DLG2: variants seen among roughly 807,000 people sequenced by gnomAD.
The protein encoded by DLG2 is discs large MAGUK scaffold protein 2.
In DLG2, 45 loss-of-function variants were observed where a neutral mutation model predicts 132.5. That is an observed-to-expected ratio of 0.34 (90% confidence interval 0.27 to 0.44). The LOEUF (loss-of-function observed/expected upper bound fraction) is 0.44. Ranked by LOEUF, DLG2 falls within the 20% of genes least tolerant of loss-of-function variation. The pLI, the probability that DLG2 is intolerant of heterozygous loss-of-function variation, is 1.00. For missense variants in DLG2, 1,045 were observed against 1,196.9 expected (o/e 0.87, Z 1.87); for synonymous variants, 424 against 419.6 (o/e 1.01, Z -0.13).
intron 6 of DLG2, among the ~76,000 whole-genome samples, chr11:84,647,194 T>C (rs1313012629): frequency 6.6e-6 from 1 of 152,118 alleles, no homozygotes; most frequent in Non-Finnish European, 1.5e-5. Context: ...GGAGGTACAT[T>C]TTAACTGCAC....
intron 8 of DLG2, among the ~76,000 whole-genome samples, chr11:84,172,427 C>T (rs2095845831): frequency 6.6e-6 from 1 of 152,092 alleles, no homozygotes; most frequent in Admixed American, 6.5e-5. Flanking sequence ...AATTTCTAAT[C>T]TTAATTACAA....
intron 10 of DLG2, among the ~76,000 whole-genome samples, chr11:84,087,123 T>TAG (rs981843629): frequency 2.6e-4 from 39 of 152,328 alleles, no homozygotes; most frequent in Middle Eastern, 6.8e-3. Context: ...AACCTTAGTG[T>TAG]ACAAGTTTTT....
intron 6 of DLG2, among the ~76,000 whole-genome samples, chr11:84,873,910 G>A (rs1250878557): frequency 6.6e-6 from 1 of 152,178 alleles, no homozygotes; most frequent in Non-Finnish European, 1.5e-5. Flanking sequence ...CACAAGATAT[G>A]GAGCGGAATC....
chr11:85,493,537 G>A (rs1406883067), intron 3 of DLG2, among the ~76,000 whole-genome samples: 1 of 152,126 alleles, frequency 6.6e-6, no homozygotes, highest in Non-Finnish European at 1.5e-5. Context: ...TCACTGGCAT[G>A]TGTCTGTAAT....
intron 5 of DLG2, among the ~76,000 whole-genome samples, chr11:85,130,294 G>T (rs1339131823): frequency 2.0e-5 from 3 of 152,082 alleles, no homozygotes; most frequent in African/African-American, 7.2e-5. Context: ...GCATCCCTCT[G>T]CTCATTAATC....
At chr11:83,771,801 G>C (rs2094403503) in intron 18 of DLG2, among the ~76,000 whole-genome samples, 1 of 152,104 alleles carries the variant, frequency 6.6e-6, no homozygotes, top group Admixed American at 6.6e-5. Flanking sequence ...CAGTTCTTCT[G>C]AGTGACCTTC....
chr11:84,251,692 G>C (rs1476887483), intron 7 of DLG2, among the ~76,000 whole-genome samples: 1 of 145,688 alleles, frequency 6.9e-6, no homozygotes, highest in African/African-American at 2.6e-5. Context: ...ACCCAGGCTG[G>C]AGTGCAGTGG....
At chr11:85,352,818 C>T (rs764413963) in intron 3 of DLG2, among the ~76,000 whole-genome samples, 3 of 152,152 alleles carry the variant, frequency 2.0e-5, no homozygotes, top group Non-Finnish European at 2.9e-5. Context: ...CTTCCTTACA[C>T]CTTGTACAAA....
intron 18 of DLG2, among the ~76,000 whole-genome samples, chr11:83,711,210 A>T (rs748306341): frequency 1.3e-5 from 2 of 152,248 alleles, no homozygotes; most frequent in African/African-American, 2.4e-5. Flanking sequence ...ACAACTCAGC[A>T]AAGGCCAAAA....
intron 18 of DLG2, among the ~76,000 whole-genome samples, chr11:83,664,909 A>G (rs1456142761): frequency 6.6e-6 from 1 of 152,194 alleles, no homozygotes; most frequent in Non-Finnish European, 1.5e-5. Flanking sequence ...CATTCTACTT[A>G]TGTATCTTAA....
intron 6 of DLG2, among the ~76,000 whole-genome samples, chr11:84,949,468 G>T (rs2050649471): frequency 6.7e-6 from 1 of 149,184 alleles, no homozygotes; most frequent in African/African-American, 2.5e-5. Flanking sequence ...CGCTATGGGA[G>T]ACTGGAGTTT....
At chr11:83,698,942 T>C (rs2082386126) in intron 18 of DLG2, among the ~76,000 whole-genome samples, 1 of 152,166 alleles carries the variant, frequency 6.6e-6, no homozygotes, top group Admixed American at 6.5e-5. Flanking sequence ...TTTTGCTGCA[T>C]TCAAGAGAGA....
chr11:84,635,066 A>G (rs1289573272), intron 6 of DLG2, among the ~76,000 whole-genome samples: 1 of 152,238 alleles, frequency 6.6e-6, no homozygotes, highest in East Asian at 1.9e-4. Flanking sequence ...TTTGAAGAAA[A>G]CAAAGCTTCA....
chr11:84,487,592 G>C (rs551042825), intron 7 of DLG2, among the ~76,000 whole-genome samples: 1 of 152,190 alleles, frequency 6.6e-6, no homozygotes, highest in East Asian at 1.9e-4. Flanking sequence ...CTAAATAAAG[G>C]TATTGTGAAA....
At chr11:83,888,797 A>C (rs985029446) in intron 15 of DLG2, among the ~76,000 whole-genome samples, 3 of 152,100 alleles carry the variant, frequency 2.0e-5, no homozygotes, top group African/African-American at 7.2e-5. Context: ...TCAGAAATAA[A>C]GCCGCATATC....
At chr11:84,733,410 ACTG>A (rs2063414493) in intron 6 of DLG2, among the ~76,000 whole-genome samples, 2 of 151,958 alleles carry the variant, frequency 1.3e-5, no homozygotes, top group Non-Finnish European at 2.9e-5. Flanking sequence ...AGCATTTTTT[ACTG>A]TGTCTGTTGG....
chr11:85,400,317 CTT>C (rs1200056350), intron 3 of DLG2, among the ~76,000 whole-genome samples: 1 of 139,470 alleles, frequency 7.2e-6, no homozygotes. Context: ...AATAGGAACA[CTT>C]TTACACTGTT....
At chr11:84,966,114 C>T (rs2053288243) in intron 6 of DLG2, among the ~76,000 whole-genome samples, 1 of 151,590 alleles carries the variant, frequency 6.6e-6, no homozygotes. Flanking sequence ...TATCTAGTAG[C>T]AAGAGTAAAG....
At chr11:85,178,056 G>A (rs1406902975) in intron 4 of DLG2, among the ~76,000 whole-genome samples, 1 of 151,960 alleles carries the variant, frequency 6.6e-6, no homozygotes, top group African/African-American at 2.4e-5. Context: ...TAAATGCAAT[G>A]TATAACACTA....
Sources: allele counts gnomAD v4.1 joint callset (sites outside exome capture counted in the v4.1 genomes callset), GRCh38; gene constraint gnomAD v4.1.1; transcripts MANE v1.5; gene names NCBI Gene and HGNC (gene_info 2026-07-23, HGNC 2026-07-21).